The following BCL11B variants were observed in gnomAD, a reference collection of about 807,000 sequenced individuals.
The protein encoded by BCL11B is BCL11 transcription factor B.
Under a neutral mutation model 49.9 loss-of-function variants are expected in BCL11B, and 8 were observed. The observed-to-expected ratio is 0.16, with a 90% confidence interval of 0.09 to 0.29. BCL11B has a LOEUF of 0.29. BCL11B is among the 10% of genes least tolerant of loss of function. The probability of loss-of-function intolerance (pLI) is 1.00; values close to 1 mark genes in which losing one functional copy is unlikely to be tolerated. For missense variants in BCL11B, 1,006 were observed against 1,351.0 expected, an observed-to-expected ratio of 0.74 and a Z score of 4.00; for synonymous variants, 739 against 637.4, an observed-to-expected ratio of 1.16 and a Z score of -2.40.
At chr14:99,187,789 C>CCTCCTCCTA (rs986367401) in intron 3 of BCL11B, among the ~76,000 whole-genome samples, 3 of 151,320 alleles carry the variant, frequency 2.0e-5, no homozygotes, top group African/African-American at 7.3e-5. Flanking sequence ...TCCTCCTCCT[C>CCTCCTCCTA]CTCCTGGAGA....
Position 99,171,113 on chromosome 14 carries a change from C to CA in BCL11B, c.*3037dup. Reference sequence around the variant, plus strand: ...AAAACTGATTTTTTTCCACTCAACACAAATAATTTCCCATCTGGTCTGCTG... The same window carrying CA: ...AAAACTGATTTTTTTCCACTCAACACAAAATAATTTCCCATCTGGTCTGCTG... On this transcript the variant is annotated 3_prime_UTR_variant, in exon 4 of 4. Transcript: ENST00000357195. 4.4e-6 allele frequency: 1 copy of CA among 228,932 alleles called. No individual in the cohort carries two copies. Among genetic ancestry groups the CA allele is most frequent in the Admixed American group, 5.7e-5 (1 of 17,630 alleles). The allele number at this position is 228,932 out of a possible 1,614,324, so 14.2% of individuals were successfully genotyped here.
At chr14:99,217,075 C>T (rs1887861818) in intron 3 of BCL11B, among the ~76,000 whole-genome samples, 1 of 152,166 alleles carries the variant, frequency 6.6e-6, no homozygotes, top group South Asian at 2.1e-4. Context: ...CATGTACACA[C>T]ATGCACACCC....
At chr14:99,193,009 A>T (rs1887081016) in intron 3 of BCL11B, among the ~76,000 whole-genome samples, 1 of 152,226 alleles carries the variant, frequency 6.6e-6, no homozygotes, top group Non-Finnish European at 1.5e-5. Flanking sequence ...GATGGGGCTA[A>T]GAGGGGCTAA....
In BCL11B at chr14:99,175,795, T is replaced by C; in HGVS notation, c.1041A>G (p.Arg347=). The C allele has an allele frequency of 1.4e-6, 2 of 1,472,808 alleles. No homozygotes were observed. Among genetic ancestry groups the C allele is most frequent in the Non-Finnish European group, 1.8e-6 (2 of 1,122,394 alleles). The allele number at this position is 1,472,808 out of a possible 1,614,324, so 91.2% of individuals were successfully genotyped here. Residue 347 remains arginine (R), a synonymous_variant, in exon 4 of 4, where the codon CGA becomes CGG. Coordinates refer to ENST00000357195, the MANE Select transcript of BCL11B (RefSeq NM_138576.4). Reference sequence around the variant, plus strand: ...TGGCCATGGGGTTCAGGCGCATGACTCGGTCGAAGGCACTGGGGTGCTGGG... The same window carrying C: ...TGGCCATGGGGTTCAGGCGCATGACCCGGTCGAAGGCACTGGGGTGCTGGG... ...LVAQHPSAFD[R]VMRLNPMAID... is the part of the protein sequence containing the mutation.
rs986507166 is a variant in BCL11B, at chr14:99,205,999, C to T, written c.640+25346G>A. Among the ~76,000 whole-genome samples, 2 of 152,084 alleles carry T rather than the reference C, an allele frequency of 1.3e-5. No homozygotes were observed. The highest frequency in any genetic ancestry group is 1.5e-5 in the Non-Finnish European group (1 of 68,022). ...ACCCCCGATACCCTCAACAGAGGAC[C>T]GAGGCTTTGGGGAAGGAACACCTGA... On this transcript the variant is annotated intron_variant, in intron 3 of 3. Coordinates refer to ENST00000357195, the MANE Select transcript of BCL11B (RefSeq NM_138576.4). This position sits in a 1 kb window ranked among gnomAD's most constrained non-coding sequence, Gnocchi z 5.0.
At chr14:99,199,587 T>C (rs1275745399) in intron 3 of BCL11B, among the ~76,000 whole-genome samples, 2 of 151,742 alleles carry the variant, frequency 1.3e-5, no homozygotes, top group African/African-American at 4.8e-5. Flanking sequence ...CAAGGCATAA[T>C]TGATTCTTTT....
chr14:99,231,240 G>A lies in BCL11B; in HGVS notation c.640+105C>T. The stretch of plus-strand genomic sequence containing the variant: ...CCTGGCACCCCAAAAAGCCTTCTGG[G>A]TGGGAGCTGCCCTTCCTCCCTGGGT... On this transcript the variant is annotated intron_variant, in intron 3 of 3. Coordinates refer to ENST00000357195, the MANE Select transcript of BCL11B (RefSeq NM_138576.4). This position sits in a 1 kb window ranked among gnomAD's most constrained non-coding sequence, Gnocchi z 8.1. 1.6e-6 allele frequency: 2 copies of A among 1,271,228 alleles called. No homozygotes were observed. The highest frequency in any genetic ancestry group is 2.2e-6 in the Non-Finnish European group (2 of 923,028). 78.7% of individuals were successfully genotyped at this position (1,271,228 alleles called of 1,614,324 possible). A position where few individuals can be genotyped will look rare whatever the true frequency, so the allele number is the denominator to read the frequency against.
At chr14:99,258,704 T>C (rs1889248914) in intron 1 of BCL11B, among the ~76,000 whole-genome samples, 1 of 152,216 alleles carries the variant, frequency 6.6e-6, no homozygotes, top group Admixed American at 6.5e-5. Flanking sequence ...TCCATTTCTC[T>C]GTAGATTTCC....
chr14:99,254,330 T>C (rs1266973975), intron 2 of BCL11B, among the ~76,000 whole-genome samples: 1 of 152,156 alleles, frequency 6.6e-6, no homozygotes, highest in East Asian at 1.9e-4. Flanking sequence ...TGATATGGGG[T>C]CCCCGACCTA....
chr14:99,216,534 G>T (rs1217066483), intron 3 of BCL11B, among the ~76,000 whole-genome samples: 2 of 152,170 alleles, frequency 1.3e-5, no homozygotes, highest in Non-Finnish European at 2.9e-5. Context: ...GTGGACTGTG[G>T]GCTCCCTCTG....
chr14:99,244,030 G>A (rs1204684301), intron 2 of BCL11B, among the ~76,000 whole-genome samples: 2 of 150,420 alleles, frequency 1.3e-5, no homozygotes, highest in Middle Eastern at 3.3e-3. Context: ...CCACTCAGGC[G>A]CAGAAAGTGT....
chr14:99,268,121 C>G (rs141126083), intron 1 of BCL11B, among the ~76,000 whole-genome samples: 1 of 152,126 alleles, frequency 6.6e-6, no homozygotes, highest in Non-Finnish European at 1.5e-5. Flanking sequence ...AAAGCCATAT[C>G]CATCTGGGTC....
intron 1 of BCL11B, among the ~76,000 whole-genome samples, chr14:99,267,814 G>T (rs1014468387): frequency 6.6e-6 from 1 of 152,128 alleles, no homozygotes; most frequent in Non-Finnish European, 1.5e-5. Context: ...GAATTCATAC[G>T]GAAAATTACT....
Position 99,231,289 on chromosome 14 carries a change from C to T in BCL11B, c.640+56G>A. On this transcript the variant is annotated intron_variant, in intron 3 of 3. Coordinates refer to ENST00000357195, the MANE Select transcript of BCL11B (RefSeq NM_138576.4). This position sits in a 1 kb window ranked among gnomAD's most constrained non-coding sequence, Gnocchi z 8.1. ...GTCCCCACCTTGCTCCAGCGCTGCC[C>T]ATGGCACACCCCGCCATCCCGGGGG... 1 of 1,564,780 alleles carries T rather than the reference C, an allele frequency of 6.4e-7. No individual in the cohort carries two copies. The highest frequency in any genetic ancestry group is 1.2e-5 in the South Asian group (1 of 86,068).
chr14:99,198,676 C>T (rs748631572), intron 3 of BCL11B, among the ~76,000 whole-genome samples: 12 of 152,048 alleles, frequency 7.9e-5, no homozygotes. Context: ...CCCCAGCCTT[C>T]CAAACAGAGT....
intron 3 of BCL11B, among the ~76,000 whole-genome samples, chr14:99,223,479 C>G (rs1888070231): frequency 6.6e-6 from 1 of 152,186 alleles, no homozygotes; most frequent in Non-Finnish European, 1.5e-5. Flanking sequence ...CTGGAAGGAA[C>G]CCCATGGGGG....
intron 3 of BCL11B, among the ~76,000 whole-genome samples, chr14:99,196,586 C>T (rs1887185810): frequency 2.0e-5 from 3 of 152,200 alleles, no homozygotes; most frequent in Non-Finnish European, 4.4e-5. Context: ...CTCATGTGCC[C>T]TGACCATTCC....
intron 2 of BCL11B, among the ~76,000 whole-genome samples, chr14:99,246,418 G>A (rs1183054228): frequency 6.6e-6 from 1 of 152,238 alleles, no homozygotes; most frequent in Non-Finnish European, 1.5e-5. Flanking sequence ...GCGCAAGGCC[G>A]TGGGCGAATC....
rs138949549 is a variant in BCL11B at position 99,240,991 on chromosome 14, T to C, written c.428-9434A>G. On this transcript the variant is annotated intron_variant, in intron 2 of 3. Transcript: ENST00000357195. ...TCCCATTAGAAATTGGGGGAAATCA[T>C]AGCACGCTGACTTTGATTTTGTTGT... Among the ~76,000 whole-genome samples, 1,068 of 152,094 alleles carry C rather than the reference T, an allele frequency of 7.0e-3. 18 individuals carry two copies. The highest frequency in any genetic ancestry group is 0.024 in the African/African-American group (1,015 of 41,508).
Sources: allele counts gnomAD v4.1 joint callset (sites outside exome capture counted in the v4.1 genomes callset), GRCh38; gene constraint gnomAD v4.1.1; non-coding constraint Gnocchi (gnomAD v3.1); transcripts MANE v1.5; gene names NCBI Gene and HGNC (gene_info 2026-07-23, HGNC 2026-07-21).